The following ZNF142 variants were observed in gnomAD, a reference collection of about 807,000 sequenced individuals.
ZNF142 encodes zinc finger protein 142, also known as zinc finger protein 142 (clone pHZ-49).
ZNF142 carries 96 observed loss-of-function variants against 132.1 expected under a neutral mutation model. That is an observed-to-expected ratio of 0.73 (90% CI 0.62 to 0.86). ZNF142 has a LOEUF of 0.86. ZNF142 is among the 40% of genes least tolerant of loss of function. The probability of loss-of-function intolerance (pLI) is 0.00; values close to 1 mark genes in which losing one functional copy is unlikely to be tolerated. For synonymous variants in ZNF142, 842 were observed against 890.1 expected, an observed-to-expected ratio of 0.95 and a Z score of 0.96; for missense variants, 2,163 against 2,336.2, an observed-to-expected ratio of 0.93 and a Z score of 1.53.
In ZNF142 at chr2:218,651,908, A is replaced by C; in HGVS notation, c.673T>G (p.Cys225Gly). 7.8e-7 allele frequency: 1 copy of C among 1,280,616 alleles called. No individual in the cohort carries two copies. The highest frequency in any genetic ancestry group is 1.0e-6 in the Non-Finnish European group (1 of 980,448). The allele number at this position is 1,280,616 out of a possible 1,614,324, so 79.3% of individuals were successfully genotyped here. The change falls in exon 5 of 11, where the codon TGT becomes GGT. Residue 225 changes from cysteine (C) to glycine (G), a missense_variant. This residue lies in a region of ZNF142 where 195 missense variants were observed against 172.4 expected (regional missense o/e 1.13). Transcript: ENST00000411696. The stretch of plus-strand genomic sequence containing the variant: ...AGCAGGGGGCAGCCCCGGAAAGAAC[A>C]GGGCACAGGAACTGCTCTGTGAGTC... ...RQTHRAVPVP[C>G]SFRGCPLLFG...
rs1322364988 is a variant in ZNF142, at chr2:218,637,457, G to A, written c.*882C>T. On this transcript the variant is annotated 3_prime_UTR_variant, in exon 11 of 11. Coordinates refer to ENST00000411696, the MANE Select transcript of ZNF142 (RefSeq NM_001379659.1). ...TAATTATTAATAGTACCCTCTTTAA[G>A]TTTTCCCAGTGTGTCTCAGTTTAGA... Among the ~76,000 whole-genome samples the A allele has an allele frequency of 6.6e-6, 1 of 152,192 alleles. No homozygotes were observed. The highest frequency in any genetic ancestry group is 1.5e-5 in the Non-Finnish European group (1 of 68,042).
rs1202620612 is a variant in ZNF142, at chr2:218,634,462, C to T, written c.*3877G>A. On this transcript the variant is annotated 3_prime_UTR_variant, in exon 11 of 11. Transcript: ENST00000411696. This position sits in a 1 kb window ranked among gnomAD's most constrained non-coding sequence, Gnocchi z 4.0. ...CTTTTCTCCTGGGGCCCTCAGTGGC[C>T]ATGAATATGCAGACTGCAGGGCTTG... The T allele has an allele frequency of 1.9e-6, 3 of 1,611,156 alleles. No individual in the cohort carries two copies. The highest frequency in any genetic ancestry group is 2.5e-6 in the Non-Finnish European group (3 of 1,178,796).
chr2:218,639,357 G>A (rs965714307), intron 10 of ZNF142, among the ~76,000 whole-genome samples: 4 of 152,158 alleles, frequency 2.6e-5, no homozygotes, highest in Non-Finnish European at 5.9e-5. Context: ...TCAATGTTGT[G>A]GGTGCCCAAT....
Position 218,644,733 on chromosome 2 carries a change from C to CA in ZNF142, c.2382_2383insT (p.Ala795CysfsTer44). On this transcript the variant is annotated frameshift_variant, in exon 9 of 11. Coordinates refer to ENST00000411696, the MANE Select transcript of ZNF142 (RefSeq NM_001379659.1). LOFTEE classifies it high-confidence loss of function. The surrounding 1 kb of genome is among the most constrained non-coding windows in gnomAD (Gnocchi z 4.6). Reference sequence around the variant, plus strand: ...TGGTCTCCAGGTACATAGCCATGGGCCTTGCGTTTATGGAACAAGAGTGTG... The same window carrying CA: ...TGGTCTCCAGGTACATAGCCATGGGCACTTGCGTTTATGGAACAAGAGTGTG... The CA allele has an allele frequency of 6.2e-7, 1 of 1,614,184 alleles. No individual in the cohort carries two copies. The highest frequency in any genetic ancestry group is 8.5e-7 in the Non-Finnish European group (1 of 1,180,022).
chr2:218,650,412 T>A lies in ZNF142; in HGVS notation c.995A>T (p.Gln332Leu). 3 of 1,614,228 alleles carry A rather than the reference T, an allele frequency of 1.9e-6. No homozygotes were observed. In the East Asian group the frequency reaches 6.7e-5, roughly 36 times the overall value. The change falls in exon 6 of 11, where the codon CAG becomes CTG. Residue 332 changes from glutamine (Q) to leucine (L), a missense_variant. Gln to Leu is a moderately radical substitution (Grantham distance 113). Transcript: ENST00000411696. ...ATCCACAGCCTTTTGGGAGTCCTTCTGGGTGTCACTCTTCTCTTCTTTCTC... is the reference window on the plus strand; with the variant it reads ...ATCCACAGCCTTTTGGGAGTCCTTCAGGGTGTCACTCTTCTCTTCTTTCTC... ...NVEKEEKSDTQKDSQKAVDKG... is the reference protein window; with the variant it reads ...NVEKEEKSDTLKDSQKAVDKG...
chr2:218,658,327 G>C (rs1034898278), intron 3 of ZNF142, among the ~76,000 whole-genome samples: 4 of 152,168 alleles, frequency 2.6e-5, no homozygotes, highest in Non-Finnish European at 4.4e-5. Context: ...ATCACCTGAG[G>C]TCAGAAGTTC....
At position 218,659,579 on chromosome 2, in the gene ZNF142, T is replaced by G. The variant is rs1477496820; in HGVS notation, c.-572A>C. ...CCGCCCTCCACCCCCACTCCAGCCC[T>G]GAAGCCGGAGAAGCACCATCGAGAG... On this transcript the variant is annotated 5_prime_UTR_variant, in exon 1 of 11. Transcript: ENST00000411696. This position sits in a 1 kb window ranked among gnomAD's most constrained non-coding sequence, Gnocchi z 4.4. 1 of 152,238 alleles carries G rather than the reference T, an allele frequency of 6.6e-6. No individual in the cohort carries two copies. The highest frequency in any genetic ancestry group is 1.9e-4 in the East Asian group (1 of 5,194). The allele number at this position is 152,238 out of a possible 1,614,324, so 9.4% of individuals were successfully genotyped here. A position where few individuals can be genotyped will look rare whatever the true frequency, so the allele number is the denominator to read the frequency against.
Position 218,648,798 on chromosome 2 carries a change from T to G in ZNF142, c.1710A>C (p.Glu570Asp), listed in dbSNP as rs750346563. ...AGGGGCAGAAGGTGCAGCGCAGCTC[T>G]TCACTGCCAGGGTGGCCCTGCTTCT... The part of the protein sequence containing the change: ...KHKKQGHPGS[E>D]ELRCTFCPFA... Residue 570 changes from glutamate (E) to aspartate (D), a missense_variant, in exon 7 of 11, where the codon GAA becomes GAC. Glu to Asp is a conservative substitution (Grantham distance 45, BLOSUM62 2). Coordinates refer to ENST00000411696, the MANE Select transcript of ZNF142 (RefSeq NM_001379659.1). 2 of 1,614,206 alleles carry G rather than the reference T, an allele frequency of 1.2e-6. No individual in the cohort carries two copies. The highest frequency in any genetic ancestry group is 1.7e-6 in the Non-Finnish European group (2 of 1,180,010).
chr2:218,649,153 G>A lies in ZNF142; in HGVS notation c.1355C>T (p.Thr452Ile). 6.2e-7 allele frequency: 1 copy of A among 1,614,210 alleles called. No homozygotes were observed. The highest frequency in any genetic ancestry group is 8.5e-7 in the Non-Finnish European group (1 of 1,180,038). Residue 452 changes from threonine (T) to isoleucine (I), a missense_variant, in exon 7 of 11, where the codon ACC (threonine) becomes ATC (isoleucine). Physicochemically the swap from Thr to Ile is moderately conservative, Grantham distance 89. Transcript: ENST00000411696. ...CTCACGGCAGACAGGACAGGCATAG[G>A]TGTCTGAGTAGAAGTTGGAAATATC... The part of the protein sequence containing the change: ...HEDISNFYSD[T>I]YACPVCREEF...
At chr2:218,653,600 A>C (rs1575084156) in intron 4 of ZNF142, among the ~76,000 whole-genome samples, 1 of 151,932 alleles carries the variant, frequency 6.6e-6, no homozygotes. Flanking sequence ...ATTTCAGTGC[A>C]ACATCTAAAA....
At position 218,644,276 on chromosome 2, in the gene ZNF142, G is replaced by T; in HGVS notation, c.2840C>A (p.Thr947Asn). 16 of 1,614,116 alleles carry T rather than the reference G, an allele frequency of 9.9e-6. No individual in the cohort carries two copies. Among genetic ancestry groups the T allele is most frequent in the Non-Finnish European group, 1.4e-5 (16 of 1,179,998 alleles). The change falls in exon 9 of 11, where the codon ACT (threonine) becomes AAT (asparagine). Residue 947 changes from threonine (T) to asparagine (N), a missense_variant. Transcript: ENST00000411696. The surrounding 1 kb of genome is among the most constrained non-coding windows in gnomAD (Gnocchi z 4.6). ...PELSSFEGIG[T>N]SDLSAEENPL... ...ATTTTCTTCAGCACTCAAGTCAGAA[G>T]TCCCAATACCTTCAAAGCTAGATAG... is the stretch of plus-strand genomic sequence containing the variant.
intron 4 of ZNF142, among the ~76,000 whole-genome samples, chr2:218,654,980 A>G (rs1430299200): frequency 1.3e-5 from 2 of 152,060 alleles, no homozygotes; most frequent in African/African-American, 2.4e-5. Context: ...CCCCAGCTAC[A>G]TGGGAAGCTG....
Position 218,635,955 on chromosome 2 carries a change from A to AG in ZNF142, c.*2383dup. ...TGGTGAGAAACTGGCAGTGCTGGGG[A>AG]GGTGGGGGTAGGAGCATGATTAGTT... On this transcript the variant is annotated 3_prime_UTR_variant, in exon 11 of 11. Coordinates refer to ENST00000411696, the MANE Select transcript of ZNF142 (RefSeq NM_001379659.1). 1 of 1,613,816 alleles carries AG rather than the reference A, an allele frequency of 6.2e-7. No individual in the cohort carries two copies. The highest frequency in any genetic ancestry group is 1.1e-5 in the South Asian group (1 of 91,072).
intron 7 of ZNF142, among the ~76,000 whole-genome samples, chr2:218,646,608 G>C (rs1697751627): frequency 6.6e-6 from 1 of 151,832 alleles, no homozygotes. Context: ...AATTGAGACA[G>C]AGTCTCAATC....
chr2:218,640,939 T>C (rs1172245930), intron 9 of ZNF142, among the ~76,000 whole-genome samples, 170 bp from the exon 10 acceptor site: 1 of 151,940 alleles, frequency 6.6e-6, no homozygotes, highest in Admixed American at 6.6e-5. Flanking sequence ...GATTTTTTTT[T>C]TTTTTTTTTT....
At position 218,656,137 on chromosome 2, in the gene ZNF142, A is replaced by G. The variant is rs767981005; in HGVS notation, c.280+13T>C. 12 of 1,528,542 alleles carry G rather than the reference A, an allele frequency of 7.9e-6. No individual in the cohort carries two copies. Among genetic ancestry groups the G allele is most frequent in the Non-Finnish European group, 3.5e-6 (4 of 1,131,766 alleles). The allele number at this position is 1,528,542 out of a possible 1,614,324, so 94.7% of individuals were successfully genotyped here. ...TGCTTGTCCCACTGGCCTGCTTGCA[A>G]CTGTGTTTGTACCTGGGGTCTCTCC... On this transcript the variant is annotated intron_variant, in intron 4 of 10. Coordinates refer to ENST00000411696, the MANE Select transcript of ZNF142 (RefSeq NM_001379659.1).
At chr2:218,656,517 C>A in intron 3 of ZNF142, 54 bp from the exon 4 acceptor site, 1 of 1,362,268 alleles carries the variant, frequency 7.3e-7, no homozygotes, top group Non-Finnish European at 9.6e-7. Context: ...TTACTTTCTT[C>A]CTGGCTGGCG....
chr2:218,644,376 C>T lies in ZNF142; in HGVS notation c.2740G>A (p.Glu914Lys), dbSNP rs758580607. The stretch of plus-strand genomic sequence containing the variant: ...TCCATAGGGGCTGTTTCAGTGACCT[C>T]CTCAAGGGGTGGCTCAGTCACAGAC... ...LESVTEPPLE[E>K]VTETAPMEFR... The change falls in exon 9 of 11, where the codon GAG becomes AAG. Residue 914 changes from glutamate (E) to lysine (K), a missense_variant. Physicochemically the swap from Glu to Lys is moderately conservative, Grantham distance 56. This residue lies in a region of ZNF142 where 749 missense variants were observed against 830.3 expected (regional missense o/e 0.90). Coordinates refer to ENST00000411696, the MANE Select transcript of ZNF142 (RefSeq NM_001379659.1). This position sits in a 1 kb window ranked among gnomAD's most constrained non-coding sequence, Gnocchi z 4.6. The T allele has an allele frequency of 1.2e-6, 2 of 1,614,002 alleles. No homozygotes were observed. The highest frequency in any genetic ancestry group is 1.7e-6 in the Non-Finnish European group (2 of 1,179,998).
At position 218,634,259 on chromosome 2, in the gene ZNF142, G is replaced by A. The variant is rs748843749; in HGVS notation, c.*4080C>T. On this transcript the variant is annotated 3_prime_UTR_variant, in exon 11 of 11. Coordinates refer to ENST00000411696, the MANE Select transcript of ZNF142 (RefSeq NM_001379659.1). This position sits in a 1 kb window ranked among gnomAD's most constrained non-coding sequence, Gnocchi z 4.0. ...CAGGGACTGGGAAGAGGGAGTGGAG[G>A]AGCAGCAGGTGGGAAATAAGTTCTC... is the stretch of plus-strand genomic sequence containing the variant. 5.7e-6 allele frequency: 9 copies of A among 1,588,212 alleles called. No individual in the cohort carries two copies. The South Asian group carries it at 1.0e-4, about 18-fold the overall frequency.
Sources: gnomAD v4.1 joint callset for allele counts (sites outside exome capture counted in the v4.1 genomes callset) on GRCh38, gnomAD v4.1.1 for gene constraint, gnomAD v4.1.1 regional missense constraint, Gnocchi (gnomAD v3.1) non-coding constraint, MANE v1.5 for transcripts, NCBI Gene and HGNC (gene_info 2026-07-23, HGNC 2026-07-21) for gene names.